GAB3: variants seen among roughly 807,000 people sequenced by gnomAD.
The protein encoded by GAB3 is GRB2 associated binding protein 3.
A neutral mutation model predicts 40.4 loss-of-function variants in GAB3; 12 were observed. The ratio of observed to expected loss-of-function variants is 0.30; its 90% CI spans 0.19 to 0.48. GAB3 has a LOEUF of 0.48. Among genes scored for constraint, GAB3 ranks in the 20% least tolerant of loss-of-function variants. GAB3 has a pLI of 0.99. For synonymous variants in GAB3, 154 were observed against 176.7 expected (o/e 0.87, Z 1.02); for missense variants, 381 against 461.9 (o/e 0.82, Z 1.61).
At chrX:154,682,143 TTC>T (rs2148410036) in intron 8 of GAB3, among the ~76,000 whole-genome samples, 1 of 112,496 alleles carries the variant, frequency 8.9e-6, no homozygotes, top group East Asian at 2.8e-4. Flanking sequence ...AAATTCTTTT[TTC>T]TGTTTGTTAC....
intron 8 of GAB3, among the ~76,000 whole-genome samples, chrX:154,682,973 G>A (rs1557247096): frequency 1.8e-5 from 2 of 111,550 alleles, no homozygotes; most frequent in Admixed American, 9.5e-5. Context: ...GTGAGACTCC[G>A]CCTCACAAAA....
intron 4 of GAB3, among the ~76,000 whole-genome samples, chrX:154,704,626 C>T (rs1445136922): frequency 3.6e-5 from 4 of 111,202 alleles, no homozygotes; most frequent in African/African-American, 1.3e-4. Flanking sequence ...AGAAAAAGTT[C>T]GTTCTTCAAA....
chrX:154,738,295 T>TGAG (rs1557260790), intron 1 of GAB3, among the ~76,000 whole-genome samples: 3 of 112,354 alleles, frequency 2.7e-5, no homozygotes, highest in Non-Finnish European at 5.6e-5. Flanking sequence ...CTGGTACCAG[T>TGAG]TCAGAGGAAA....
At chrX:154,702,871 C>T (rs1361365262) in intron 4 of GAB3, among the ~76,000 whole-genome samples, 1 of 111,906 alleles carries the variant, frequency 8.9e-6, no homozygotes, top group Non-Finnish European at 1.9e-5. Flanking sequence ...TCAAAAGAGA[C>T]ATACATGCAG....
intron 4 of GAB3, among the ~76,000 whole-genome samples, chrX:154,704,684 TAGTC>T (rs781931521): frequency 3.0e-4 from 34 of 111,586 alleles, no homozygotes; most frequent in Non-Finnish European, 2.3e-4. Context: ...TTTAGTCACT[TAGTC>T]AGTAACTAGA....
chrX:154,724,154 C>T (rs1427315008), intron 1 of GAB3, among the ~76,000 whole-genome samples: 1 of 110,589 alleles, frequency 9.0e-6, no homozygotes, highest in Non-Finnish European at 1.9e-5. Context: ...CGAGACCAGC[C>T]TGACCAACAT....
intron 4 of GAB3, among the ~76,000 whole-genome samples, chrX:154,711,987 A>G (rs2070956709): frequency 8.9e-6 from 1 of 112,277 alleles, no homozygotes; most frequent in Admixed American, 9.4e-5. Flanking sequence ...TGCTGCTTTC[A>G]GGGTATATGC....
intron 4 of GAB3, among the ~76,000 whole-genome samples, chrX:154,710,048 G>C (rs1253230627): frequency 6.3e-5 from 7 of 110,950 alleles, no homozygotes; most frequent in South Asian, 4.0e-4. Context: ...GTGTTAATTA[G>C]TTTGATTGTA....
chrX:154,687,900 G>A (rs1285101857), intron 8 of GAB3, among the ~76,000 whole-genome samples: 1 of 111,968 alleles, frequency 8.9e-6, no homozygotes, highest in Non-Finnish European at 1.9e-5. Context: ...TTACAGAGGT[G>A]CAAAGAAAAT....
chrX:154,711,753 C>A (rs1363405566), intron 4 of GAB3, among the ~76,000 whole-genome samples: 1 of 111,955 alleles, frequency 8.9e-6, no homozygotes, highest in Non-Finnish European at 1.9e-5. Flanking sequence ...TGAGTTAAGA[C>A]AAAAGACATC....
intron 8 of GAB3, among the ~76,000 whole-genome samples, chrX:154,686,076 T>G (rs1474362646): frequency 9.0e-6 from 1 of 111,220 alleles, no homozygotes; most frequent in Non-Finnish European, 1.9e-5. Context: ...TAAACAAAAC[T>G]AATTCTACAC....
At chrX:154,722,425 T>C (rs1557258859) in intron 1 of GAB3, among the ~76,000 whole-genome samples, 16 of 111,732 alleles carry the variant, frequency 1.4e-4, no homozygotes, top group Non-Finnish European at 9.4e-5. Context: ...TGCAATTGTA[T>C]TGCCTTAGGG....
intron 2 of GAB3, 63 bp from the exon 3 acceptor site, chrX:154,713,489 C>A: frequency 2.1e-6 from 2 of 943,772 alleles, no homozygotes; most frequent in Non-Finnish European, 1.5e-6. Flanking sequence ...CAAAATTTCT[C>A]CAACAGCATC....
At position 154,715,757 on chromosome X, in the gene GAB3, C is replaced by T. The variant is rs1014564254; in HGVS notation, c.376+269G>A. On this transcript the variant is annotated intron_variant, in intron 2 of 9. Transcript: ENST00000424127. ...CATCCACATTTGACTTTCACTGTGGCTGAATGAGAGCAAAGACATGAAGGG... is the reference window on the plus strand; with the variant it reads ...CATCCACATTTGACTTTCACTGTGGTTGAATGAGAGCAAAGACATGAAGGG... Among the ~76,000 whole-genome samples, 9 of 112,106 alleles carry T rather than the reference C, an allele frequency of 8.0e-5. No homozygotes were observed. In the South Asian group the frequency reaches 3.3e-3, roughly 42 times the overall value.
intron 2 of GAB3, among the ~76,000 whole-genome samples, chrX:154,715,812 G>A (rs1240246397): frequency 8.9e-6 from 1 of 112,425 alleles, no homozygotes; most frequent in Non-Finnish European, 1.9e-5. Context: ...AACCTGCAAT[G>A]CTCAGTGTGC....
intron 8 of GAB3, among the ~76,000 whole-genome samples, chrX:154,691,920 C>G (rs1403007920): frequency 8.9e-6 from 1 of 111,873 alleles, no homozygotes; most frequent in East Asian, 2.8e-4. Context: ...AAAGGATAGT[C>G]TAGACTTTCC....
chrX:154,723,315 A>T (rs782055294), intron 1 of GAB3, among the ~76,000 whole-genome samples: 14 of 112,222 alleles, frequency 1.2e-4, no homozygotes, highest in Non-Finnish European at 2.4e-4. Context: ...AAAGGGTGCT[A>T]TGTTTATCAG....
At chrX:154,689,519 A>C (rs1379892636) in intron 8 of GAB3, among the ~76,000 whole-genome samples, 1 of 109,780 alleles carries the variant, frequency 9.1e-6, no homozygotes, top group African/African-American at 3.3e-5. Flanking sequence ...AGAAAACCCC[A>C]TTGTCTCAGC....
rs782804612 is a variant in GAB3, at chrX:154,704,789, TAG to T, written c.1070-4732_1070-4731del. Among the ~76,000 whole-genome samples the T allele has an allele frequency of 3.6e-5, 4 of 111,574 alleles. No individual in the cohort carries two copies. In the East Asian group the frequency reaches 1.1e-3, roughly 31 times the overall value. On this transcript the variant is annotated intron_variant, in intron 4 of 9. Coordinates refer to ENST00000424127, the MANE Select transcript of GAB3 (RefSeq NM_001081573.3). ...TTACCAAAGAAATACAAACGGTTAT[TAG>T]AGATTGTTTTGAACAATTATACATT...
Sources: gnomAD v4.1 joint callset for allele counts (sites outside exome capture counted in the v4.1 genomes callset) on GRCh38, gnomAD v4.1.1 for gene constraint, MANE v1.5 for transcripts, NCBI Gene and HGNC (gene_info 2026-07-23, HGNC 2026-07-21) for gene names.